TTBK2: variants seen among roughly 807,000 people sequenced by gnomAD.
TTBK2 encodes the protein tau tubulin kinase 2.
In TTBK2, 28 loss-of-function variants were observed where a neutral mutation model predicts 110.8. That is an observed-to-expected ratio of 0.25 (90% confidence interval 0.19 to 0.35). TTBK2 has a LOEUF of 0.35. TTBK2 is among the 10% of genes least tolerant of loss of function. TTBK2 has a pLI of 1.00. For synonymous variants in TTBK2, 532 were observed against 527.3 expected (o/e 1.01, Z -0.12); for missense variants, 1,369 against 1,500.3 (o/e 0.91, Z 1.45).
intron 6 of TTBK2, among the ~76,000 whole-genome samples, chr15:42,820,916 C>G (rs1054353188): frequency 3.9e-5 from 6 of 151,990 alleles, no homozygotes; most frequent in Admixed American, 6.6e-5. Context: ...ACTTGGGAGG[C>G]TGAGATGGGA....
intron 1 of TTBK2, among the ~76,000 whole-genome samples, chr15:42,915,221 C>T (rs1422582646): frequency 6.6e-6 from 1 of 152,216 alleles, no homozygotes; most frequent in Admixed American, 6.5e-5. Context: ...AAATCTCAAG[C>T]TGTTCAGCTC....
At chr15:42,757,743 T>A (rs1280445155) in intron 13 of TTBK2, among the ~76,000 whole-genome samples, 1 of 152,228 alleles carries the variant, frequency 6.6e-6, no homozygotes, top group Non-Finnish European at 1.5e-5. Flanking sequence ...CAGTAAGCCA[T>A]ATGCATCTTT....
At chr15:42,829,211 ACAAT>A (rs1323647669) in intron 5 of TTBK2, among the ~76,000 whole-genome samples, 2 of 152,248 alleles carry the variant, frequency 1.3e-5, no homozygotes, top group Admixed American at 6.5e-5. Flanking sequence ...CACCTAATGA[ACAAT>A]CAAACACCAA....
intron 9 of TTBK2, chr15:42,800,865 G>A: frequency 1.7e-6 from 1 of 606,030 alleles, no homozygotes; most frequent in Non-Finnish European, 2.9e-6. Context: ...GGCTAGGGCT[G>A]AGCCTCGGGT....
intron 3 of TTBK2, among the ~76,000 whole-genome samples, chr15:42,846,162 G>A (rs1893454729): frequency 6.7e-6 from 1 of 149,956 alleles, no homozygotes; most frequent in Non-Finnish European, 1.5e-5. Context: ...TAGTACAGAC[G>A]CAATATTTTT....
intron 13 of TTBK2, among the ~76,000 whole-genome samples, chr15:42,768,749 GA>G (rs1394615609): frequency 5.9e-4 from 90 of 152,068 alleles, no homozygotes; most frequent in African/African-American, 2.1e-3. Context: ...CACAGAATTG[GA>G]AAAAAACTAC....
At chr15:42,888,216 T>G (rs183860285) in intron 1 of TTBK2, among the ~76,000 whole-genome samples, 2 of 152,218 alleles carry the variant, frequency 1.3e-5, no homozygotes, top group Admixed American at 1.3e-4. Flanking sequence ...TTCCAAAATC[T>G]ATTTTCTTCC....
intron 1 of TTBK2, among the ~76,000 whole-genome samples, chr15:42,910,225 C>G (rs748689421): frequency 6.6e-6 from 1 of 151,772 alleles, no homozygotes; most frequent in Non-Finnish European, 1.5e-5. Flanking sequence ...CAACAATAAT[C>G]TAGCAGTGTG....
chr15:42,749,670 C>T (rs147532744), intron 14 of TTBK2, among the ~76,000 whole-genome samples: 3 of 152,332 alleles, frequency 2.0e-5, no homozygotes, highest in East Asian at 1.9e-4. Context: ...ACTGGTTCTC[C>T]TCTGGCTGAA....
intron 13 of TTBK2, among the ~76,000 whole-genome samples, chr15:42,758,924 A>G (rs2061984311): frequency 6.6e-6 from 1 of 152,128 alleles, no homozygotes; most frequent in South Asian, 2.1e-4. Flanking sequence ...TTTGCTCCAG[A>G]TTAGGAGAAC....
At chr15:42,877,089 C>T (rs746041235) in intron 2 of TTBK2, among the ~76,000 whole-genome samples, 4 of 151,914 alleles carry the variant, frequency 2.6e-5, no homozygotes, top group Non-Finnish European at 4.4e-5. Flanking sequence ...CAAATTGTAC[C>T]TCAAGATAAT....
At chr15:42,892,029 T>C (rs1895476847) in intron 1 of TTBK2, among the ~76,000 whole-genome samples, 4 of 152,136 alleles carry the variant, frequency 2.6e-5, no homozygotes, top group Admixed American at 2.6e-4. Context: ...CCAACAAAAG[T>C]GGAATACACA....
intron 4 of TTBK2, among the ~76,000 whole-genome samples, chr15:42,838,501 CTAACT>C (rs1373562069): frequency 6.6e-6 from 1 of 152,024 alleles, no homozygotes; most frequent in Non-Finnish European, 1.5e-5. Flanking sequence ...CTCCCTCGAC[CTAACT>C]CCACTACCAT....
intron 3 of TTBK2, among the ~76,000 whole-genome samples, chr15:42,845,005 T>A (rs1307146157): frequency 2.0e-5 from 3 of 152,184 alleles, no homozygotes; most frequent in Non-Finnish European, 4.4e-5. Context: ...TAATACAGTA[T>A]GAGTTCTATA....
chr15:42,834,010 C>CA (rs907037714), intron 4 of TTBK2, among the ~76,000 whole-genome samples: 1 of 150,446 alleles, frequency 6.6e-6, no homozygotes, highest in African/African-American at 2.5e-5. Flanking sequence ...GACTCTGTCT[C>CA]AAAAAAACAA....
At position 42,741,091 on chromosome 15, in the gene TTBK2, G is replaced by A. The variant is rs1242750637; in HGVS notation, c.*4704C>T. 1.3e-5 allele frequency: 2 copies of A among 152,190 alleles called. No homozygotes were observed. Among genetic ancestry groups the A allele is most frequent in the Admixed American group, 6.5e-5 (1 of 15,276 alleles). The allele number at this position is 152,190 out of a possible 1,614,324, so 9.4% of individuals were successfully genotyped here. ...GCAGTGTTGGACAATGGATTCTAAA[G>A]GTTCCTGAGACTTTGTTAAATTTCT... On this transcript the variant is annotated 3_prime_UTR_variant, in exon 15 of 15. Coordinates refer to ENST00000267890, the MANE Select transcript of TTBK2 (RefSeq NM_173500.4).
intron 13 of TTBK2, among the ~76,000 whole-genome samples, chr15:42,755,970 C>A (rs181326553): frequency 1.0e-3 from 158 of 152,238 alleles, no homozygotes; most frequent in African/African-American, 3.7e-3. Flanking sequence ...CCGAGGCAGG[C>A]TGATCTCCTG....
In TTBK2 at chr15:42,775,177, G is replaced by A. The variant is rs766096925; in HGVS notation, c.1956C>T (p.Pro652=). The change falls in exon 13 of 15, where the codon CCC becomes CCT. Residue 652 remains proline, a synonymous_variant. Transcript: ENST00000267890. ...CTGCCTGCGCCTCCATTAGACTTGTGGGCGTCGCTGCAATAAACTGACTAG... is the reference window on the plus strand; with the variant it reads ...CTGCCTGCGCCTCCATTAGACTTGTAGGCGTCGCTGCAATAAACTGACTAG... ...GAASQFIAAT[P]TSLMEAQAEG... 6.2e-7 allele frequency: 1 copy of A among 1,614,088 alleles called. No homozygotes were observed. Among genetic ancestry groups the A allele is most frequent in the Non-Finnish European group, 8.5e-7 (1 of 1,180,034 alleles).
intron 1 of TTBK2, among the ~76,000 whole-genome samples, chr15:42,911,251 T>G (rs1217681327): frequency 6.6e-6 from 1 of 152,166 alleles, no homozygotes; most frequent in Admixed American, 6.5e-5. Context: ...GTACATACAT[T>G]CCTTTGCAAT....
Sources: gnomAD v4.1 joint callset for allele counts (sites outside exome capture counted in the v4.1 genomes callset) on GRCh38, gnomAD v4.1.1 for gene constraint, MANE v1.5 for transcripts, NCBI Gene and HGNC (gene_info 2026-07-23, HGNC 2026-07-21) for gene names.